Variants in GPHN observed in about 807,000 individuals in gnomAD.
GPHN encodes the protein gephyrin.
GPHN carries 17 observed loss-of-function variants against 95.5 expected under a neutral mutation model. The observed-to-expected ratio is 0.18, with a 90% CI of 0.12 to 0.27. The LOEUF (loss-of-function observed/expected upper bound fraction) is 0.27, where lower values mean the gene tolerates loss of function less well. Among genes scored for constraint, GPHN ranks in the 10% least tolerant of loss-of-function variants. GPHN has a pLI of 1.00. For missense variants in GPHN, 660 were observed against 978.1 expected, an observed-to-expected ratio of 0.67 and a Z score of 4.34; for synonymous variants, 320 against 322.5, an observed-to-expected ratio of 0.99 and a Z score of 0.08.
chr14:67,208,380 T>C, the GPHN span: 2 of 1,613,878 alleles, frequency 1.2e-6, no homozygotes, highest in African/African-American at 2.7e-5. Context: ...TCCAAGGAGA[T>C]GAAGGATAAG....
the GPHN span, chr14:67,659,725 A>G: frequency 6.3e-7 from 1 of 1,586,334 alleles, no homozygotes; most frequent in Non-Finnish European, 8.6e-7. Context: ...AACAGCTAAA[A>G]CTTACCATAT....
chr14:67,043,657 G>A (rs1484273540), intron 10 of GPHN, among the ~76,000 whole-genome samples: 3 of 152,058 alleles, frequency 2.0e-5, no homozygotes, highest in Admixed American at 6.6e-5. Flanking sequence ...TTTTTGCATC[G>A]ATGTTCATCA....
chr14:67,600,551 A>T, the GPHN span, among the ~76,000 whole-genome samples: 1 of 152,274 alleles, frequency 6.6e-6, no homozygotes, highest in East Asian at 1.9e-4. Context: ...GTGAGCGGAG[A>T]TCATGCCCCT....
At chr14:67,269,074 C>A in the GPHN span, among the ~76,000 whole-genome samples, 1 of 152,144 alleles carries the variant, frequency 6.6e-6, no homozygotes, top group Admixed American at 6.5e-5. Flanking sequence ...TACTTTTTGT[C>A]TCTCTATATT....
chr14:66,646,736 A>G (rs1164083024), intron 1 of GPHN, among the ~76,000 whole-genome samples: 4 of 152,068 alleles, frequency 2.6e-5, no homozygotes, highest in African/African-American at 9.7e-5. Context: ...TGGAGTAGGA[A>G]ATGGGGAGCT....
At chr14:66,830,537 T>A (rs574598970) in intron 4 of GPHN, among the ~76,000 whole-genome samples, 1 of 152,196 alleles carries the variant, frequency 6.6e-6, no homozygotes, top group East Asian at 1.9e-4. Flanking sequence ...CTGATATAAT[T>A]GATGATTATA....
intron 1 of GPHN, among the ~76,000 whole-genome samples, chr14:66,516,233 G>A (rs2058242112): frequency 6.6e-6 from 1 of 151,340 alleles, no homozygotes; most frequent in South Asian, 2.1e-4. Context: ...GGCCAGGCTG[G>A]TTTTGGACTC....
chr14:67,725,105 G>T, the GPHN span: 4 of 1,614,028 alleles, frequency 2.5e-6, no homozygotes, highest in Non-Finnish European at 8.5e-7. Flanking sequence ...CCAGGAGCCC[G>T]AGTCTATATT....
the GPHN span, among the ~76,000 whole-genome samples, chr14:67,425,643 C>T: frequency 4.7e-3 from 723 of 152,292 alleles, 5 homozygotes; most frequent in African/African-American, 0.017. Flanking sequence ...GGATGAGGTC[C>T]TTCCTTTCGA....
intron 6 of GPHN, among the ~76,000 whole-genome samples, chr14:66,922,409 A>G (rs543573273): frequency 2.6e-5 from 4 of 152,268 alleles, no homozygotes; most frequent in Admixed American, 2.6e-4. Flanking sequence ...GTTAATTTCA[A>G]TTAAAAGAGT....
intron 1 of GPHN, among the ~76,000 whole-genome samples, chr14:66,573,183 A>G (rs1240167068): frequency 1.3e-5 from 2 of 152,170 alleles, no homozygotes; most frequent in African/African-American, 4.8e-5. Flanking sequence ...TTTTGGAAGG[A>G]ATATTCTGTG....
chr14:67,574,365 G>A, the GPHN span: 2 of 1,592,658 alleles, frequency 1.3e-6, no homozygotes, highest in South Asian at 2.3e-5. The surrounding 1 kb of genome is among the most constrained non-coding windows in gnomAD (Gnocchi z 4.2). Flanking sequence ...TCTGCTTCGG[G>A]GTGGCACCAA....
At chr14:67,666,979 G>C in the GPHN span, among the ~76,000 whole-genome samples, 1 of 152,284 alleles carries the variant, frequency 6.6e-6, no homozygotes, top group East Asian at 1.9e-4. Flanking sequence ...ACTACAAACA[G>C]CAAGGTGGCA....
the GPHN span, among the ~76,000 whole-genome samples, chr14:67,654,854 C>G: frequency 5.9e-5 from 9 of 151,432 alleles, no homozygotes; most frequent in African/African-American, 2.2e-4. Flanking sequence ...ATGGTGAAAC[C>G]CCGTCTCTAC....
At chr14:67,134,703 TTG>T (rs1199438006) in intron 17 of GPHN, among the ~76,000 whole-genome samples, 1 of 152,124 alleles carries the variant, frequency 6.6e-6, no homozygotes, top group African/African-American at 2.4e-5. Context: ...TCACAATTTG[TTG>T]TGTCTCTTTA....
the GPHN span, among the ~76,000 whole-genome samples, chr14:67,340,873 G>C: frequency 6.6e-6 from 1 of 152,202 alleles, no homozygotes; most frequent in Admixed American, 6.5e-5. Context: ...ACGGGGTTTC[G>C]CTGTGTTGGC....
chr14:67,151,570 C>G (rs938555994), intron 18 of GPHN, among the ~76,000 whole-genome samples: 2 of 152,134 alleles, frequency 1.3e-5, no homozygotes, highest in African/African-American at 4.8e-5. Context: ...CCAAAAGTTA[C>G]CAAAGTTACA....
intron 8 of GPHN, among the ~76,000 whole-genome samples, chr14:66,963,725 G>C (rs2069124500): frequency 6.6e-6 from 1 of 151,906 alleles, no homozygotes; most frequent in Non-Finnish European, 1.5e-5. Context: ...AATTCCTACT[G>C]CTTTTCATAC....
intron 1 of GPHN, among the ~76,000 whole-genome samples, chr14:66,589,466 T>C (rs897893143): frequency 5.3e-5 from 8 of 151,652 alleles, no homozygotes; most frequent in African/African-American, 1.5e-4. Flanking sequence ...TCAGGACCCA[T>C]TGATGTGCTG....
Sources: allele counts gnomAD v4.1 joint callset (sites outside exome capture counted in the v4.1 genomes callset), GRCh38; gene constraint gnomAD v4.1.1; non-coding constraint Gnocchi (gnomAD v3.1); transcripts MANE v1.5; gene names NCBI Gene and HGNC (gene_info 2026-07-23, HGNC 2026-07-21).